Variants in VPS13C observed in about 807,000 individuals in gnomAD.
VPS13C encodes intermembrane lipid transfer protein VPS13C.
A neutral mutation model predicts 456.8 loss-of-function variants in VPS13C; 358 were observed. The observed-to-expected ratio is 0.78, with a 90% CI of 0.72 to 0.86. The LOEUF is 0.86. Among genes scored for constraint, VPS13C ranks in the 40% least tolerant of loss-of-function variants. VPS13C has a pLI of 0.00. For missense variants in VPS13C, 4,818 were observed against 4,385.4 expected (o/e 1.10, Z -2.79); for synonymous variants, 1,578 against 1,486.7 (o/e 1.06, Z -1.41).
intron 9 of VPS13C, among the ~76,000 whole-genome samples, chr15:62,019,129 G>A (rs1480610719): frequency 6.6e-6 from 1 of 152,108 alleles, no homozygotes; most frequent in Non-Finnish European, 1.5e-5. Flanking sequence ...GGGATCGGTG[G>A]TGATATCCCC....
chr15:61,925,494 G>T lies in VPS13C; in HGVS notation c.6571C>A (p.Gln2191Lys). Residue 2191 changes from glutamine (Q) to lysine (K), a missense_variant, in exon 53 of 85, where the codon CAA (glutamine) becomes AAA (lysine). Physicochemically the swap from Gln to Lys is moderately conservative, Grantham distance 53 (BLOSUM62 1). Coordinates refer to ENST00000644861, the MANE Select transcript of VPS13C (RefSeq NM_020821.3). ...TCTTTAACCATAATATTTATATTTTGCTTTCCTGAAGCCCACGTACATTTT... is the reference window on the plus strand; with the variant it reads ...TCTTTAACCATAATATTTATATTTTTCTTTCCTGAAGCCCACGTACATTTT... ...MEKCTWASGK[Q>K]NINIMVKEFI... 6.2e-7 allele frequency: 1 copy of T among 1,602,556 alleles called. No individual in the cohort carries two copies. Among genetic ancestry groups the T allele is most frequent in the Non-Finnish European group, 8.5e-7 (1 of 1,174,098 alleles).
At chr15:61,997,002 T>TATATATATAC (rs71431421) in intron 16 of VPS13C, among the ~76,000 whole-genome samples, 1 of 150,278 alleles carries the variant, frequency 6.7e-6, no homozygotes, top group African/African-American at 2.5e-5. Context: ...TACATACATA[T>TATATATATAC]ATATATATAT....
intron 25 of VPS13C, among the ~76,000 whole-genome samples, 198 bp downstream of exon 25, chr15:61,974,090 G>T (rs1428190342): frequency 6.6e-6 from 1 of 151,996 alleles, no homozygotes; most frequent in East Asian, 1.9e-4. Context: ...TGTTTTATTT[G>T]CAAGATTCTA....
chr15:61,913,564 G>A, intron 61 of VPS13C, 149 bp from the exon 62 acceptor site: 1 of 607,378 alleles, frequency 1.6e-6, no homozygotes, highest in Non-Finnish European at 2.8e-6. Flanking sequence ...ACAGGTAACA[G>A]AACCACAAAA....
rs1894598344 is a variant in VPS13C, at chr15:61,866,454, CA to C, written c.10863+2204del. ...ACAATTAAGAAAAAATCTTAAGTTACAGGGGTTCTTAAAAGTAAGTCTCAGT... is the reference window on the plus strand; with the variant it reads ...ACAATTAAGAAAAAATCTTAAGTTACGGGGTTCTTAAAAGTAAGTCTCAGT... On this transcript the variant is annotated intron_variant, in intron 81 of 84. Coordinates refer to ENST00000644861, the MANE Select transcript of VPS13C (RefSeq NM_020821.3). 4 of 984,332 alleles carry C rather than the reference CA, an allele frequency of 4.1e-6. No individual in the cohort carries two copies. The Admixed American group carries it at 2.5e-4, about 61-fold the overall frequency. 61.0% of individuals were successfully genotyped at this position (984,332 alleles called of 1,614,324 possible).
Position 61,984,866 on chromosome 15 carries a change from T to C in VPS13C, c.1712A>G (p.Gln571Arg). Residue 571 changes from glutamine (Q) to arginine (R), a missense_variant, in exon 19 of 85, where the codon CAA becomes CGA. Gln to Arg is a conservative substitution (Grantham distance 43, BLOSUM62 1). Around this residue, in one of 3 missense-constraint regions of VPS13C, gnomAD observed 4,552 missense variants for 4,130.6 expected, o/e 1.10. Coordinates refer to ENST00000644861, the MANE Select transcript of VPS13C (RefSeq NM_020821.3). ...GTTTTTAAAAACTTACTTAAGTGCTTGTGCTCCTGGTCGCTGAGATACTTG... is the reference window on the plus strand; with the variant it reads ...GTTTTTAAAAACTTACTTAAGTGCTCGTGCTCCTGGTCGCTGAGATACTTG... ...GTQVSQRPGA[Q>R]ALKVEAKLEH... is the part of the protein sequence containing the mutation. The C allele has an allele frequency of 6.2e-7, 1 of 1,613,194 alleles. No homozygotes were observed. The highest frequency in any genetic ancestry group is 8.5e-7 in the Non-Finnish European group (1 of 1,179,786).
At chr15:61,943,547 G>C (rs2044501039) in intron 45 of VPS13C, among the ~76,000 whole-genome samples, 1 of 152,096 alleles carries the variant, frequency 6.6e-6, no homozygotes, top group Non-Finnish European at 1.5e-5. Flanking sequence ...AAATGGTGCT[G>C]AGATAGCTGG....
At position 61,866,089 on chromosome 15, in the gene VPS13C, CTAAATAATCAATA is replaced by C. The variant is rs1285949166; in HGVS notation, c.10863+2557_10864-2562del. 4.1e-6 allele frequency: 4 copies of C among 984,704 alleles called. No individual in the cohort carries two copies. The African/African-American group carries it at 7.0e-5, about 17-fold the overall frequency. 61.0% of individuals were successfully genotyped at this position (984,704 alleles called of 1,614,324 possible). A position where few individuals can be genotyped will look rare whatever the true frequency, so the allele number is the denominator to read the frequency against. On this transcript the variant is annotated intron_variant, in intron 81 of 84. Transcript: ENST00000644861. The stretch of plus-strand genomic sequence containing the variant: ...GCTTCTTTTGTATATCCAGTACAGT[CTAAATAATCAATA>C]AATATTTTTACCCAACTAACTGATC...
chr15:62,013,756 T>A (rs1035513466), intron 10 of VPS13C, among the ~76,000 whole-genome samples, 177 bp downstream of exon 10: 2 of 152,000 alleles, frequency 1.3e-5, no homozygotes, highest in African/African-American at 4.8e-5. Flanking sequence ...AAAGAACCTA[T>A]ATCTCAGAAC....
intron 45 of VPS13C, among the ~76,000 whole-genome samples, chr15:61,942,903 T>C (rs796706365): frequency 5.3e-5 from 8 of 152,144 alleles, no homozygotes; most frequent in African/African-American, 1.9e-4. Flanking sequence ...GGAACTGACA[T>C]ACAACTTTGG....
At chr15:62,020,107 CACAT>C (rs72358832) in intron 9 of VPS13C, among the ~76,000 whole-genome samples, 11,946 of 151,624 alleles carry the variant, frequency 0.079, 984 homozygotes, top group African/African-American at 0.21. Flanking sequence ...CACACACACA[CACAT>C]ACATAAACAT....
At chr15:61,917,148 A>C (rs2043497804) in intron 60 of VPS13C, among the ~76,000 whole-genome samples, 193 bp downstream of exon 60, 2 of 152,214 alleles carry the variant, frequency 1.3e-5, no homozygotes, top group African/African-American at 4.8e-5. Context: ...AGGCTAATAC[A>C]TGTAAAGCAC....
intron 18 of VPS13C, among the ~76,000 whole-genome samples, chr15:61,986,082 C>A (rs2046042245): frequency 6.6e-6 from 1 of 151,260 alleles, no homozygotes. Flanking sequence ...CACATATACA[C>A]ATACACACAC....
Position 61,945,801 on chromosome 15 carries a change from C to G in VPS13C, c.5062G>C (p.Asp1688His). The G allele has an allele frequency of 6.2e-7, 1 of 1,613,444 alleles. No individual in the cohort carries two copies. Among genetic ancestry groups the G allele is most frequent in the Non-Finnish European group, 8.5e-7 (1 of 1,179,712 alleles). Residue 1688 changes from aspartate to histidine, a missense_variant, in exon 45 of 85, where the codon GAT (aspartate) becomes CAT (histidine). Asp to His is a moderately conservative substitution (Grantham distance 81). This residue lies in a region of VPS13C where 4,552 missense variants were observed against 4,130.6 expected (regional missense o/e 1.10). Coordinates refer to ENST00000644861, the MANE Select transcript of VPS13C (RefSeq NM_020821.3). ...PDATEGEAYADMSKVDGKLSF... is the reference protein window; with the variant it reads ...PDATEGEAYAHMSKVDGKLSF... ...AGTTTGCCGTCTACTTTGGACATAT[C>G]AGCATAGGCCTCTCCTTCTGTGGCA...
At chr15:61,898,141 CA>C (rs2042888091) in intron 66 of VPS13C, among the ~76,000 whole-genome samples, 1 of 151,904 alleles carries the variant, frequency 6.6e-6, no homozygotes, top group Non-Finnish European at 1.5e-5. Context: ...CCAGCCGCTG[CA>C]AAATCATGCC....
intron 16 of VPS13C, among the ~76,000 whole-genome samples, chr15:61,996,224 G>A (rs1422292448): frequency 2.0e-5 from 3 of 152,240 alleles, no homozygotes; most frequent in South Asian, 4.1e-4. Flanking sequence ...AACCACCCAC[G>A]CAAGTCTCAA....
At chr15:61,896,292 G>T (rs946098825) in intron 66 of VPS13C, among the ~76,000 whole-genome samples, 2 of 152,220 alleles carry the variant, frequency 1.3e-5, no homozygotes, top group African/African-American at 4.8e-5. Context: ...AGCTCACAGC[G>T]TGAGCGACAC....
At chr15:62,025,986 T>C (rs975791286) in intron 6 of VPS13C, among the ~76,000 whole-genome samples, 2 of 151,172 alleles carry the variant, frequency 1.3e-5, no homozygotes, top group Admixed American at 6.7e-5. Context: ...TGCATGGTTT[T>C]ACATTCTTAC....
chr15:61,959,592 T>G lies in VPS13C; in HGVS notation c.3912A>C (p.Thr1304=), dbSNP rs745407315. The change falls in exon 36 of 85, where the codon ACA becomes ACC. Residue 1304 remains threonine, a synonymous_variant. Transcript: ENST00000644861. ...GATGGTAGATGCCTGGCTGGATCAC[T>G]GTCCTACGAAAAACAGAAATGTTAC... The part of the protein sequence containing the change: ...VQLTKLTLYR[T]VIQPGIYHPD... The G allele has an allele frequency of 1.2e-6, 2 of 1,609,628 alleles. No individual in the cohort carries two copies. The highest frequency in any genetic ancestry group is 1.7e-6 in the Non-Finnish European group (2 of 1,177,290).
Sources: gnomAD v4.1 joint callset for allele counts (sites outside exome capture counted in the v4.1 genomes callset) on GRCh38, gnomAD v4.1.1 for gene constraint, gnomAD v4.1.1 regional missense constraint, MANE v1.5 for transcripts, NCBI Gene and HGNC (gene_info 2026-07-23, HGNC 2026-07-21) for gene names.